Variants in ABCA13 observed in about 807,000 individuals in gnomAD.
The protein encoded by ABCA13 is ATP binding cassette subfamily A member 13.
ABCA13 carries 476 observed loss-of-function variants against 478.7 expected under a neutral mutation model. The ratio of observed to expected loss-of-function variants is 0.99; its 90% CI spans 0.92 to 1.07. The LOEUF (loss-of-function observed/expected upper bound fraction) is 1.07. Among genes scored for constraint, ABCA13 ranks in the 50% least tolerant of loss-of-function variants. The probability of loss-of-function intolerance (pLI) is 0.00; values close to 1 mark genes in which losing one functional copy is unlikely to be tolerated. For missense variants in ABCA13, 6,060 were observed against 5,910.6 expected (o/e 1.03, Z -0.83); for synonymous variants, 2,252 against 2,158.9 (o/e 1.04, Z -1.20).
intron 31 of ABCA13, 48 bp from the exon 32 acceptor site, chr7:48,367,744 TAG>T (rs1238154829): frequency 2.2e-6 from 3 of 1,379,070 alleles, no homozygotes; most frequent in Non-Finnish European, 3.0e-6. Flanking sequence ...AAAAAATTAG[TAG>T]AGTCATTTTG....
intron 4 of ABCA13, among the ~76,000 whole-genome samples, chr7:48,220,246 G>C (rs1484824617): frequency 1.3e-5 from 2 of 152,094 alleles, no homozygotes; most frequent in African/African-American, 4.8e-5. Flanking sequence ...ACATCCCTGA[G>C]TCATTGCCTA....
intron 55 of ABCA13, among the ~76,000 whole-genome samples, chr7:48,565,544 C>T (rs73694676): frequency 0.012 from 1,894 of 151,756 alleles, 34 homozygotes; most frequent in African/African-American, 0.043. Context: ...ACCTTTAAAC[C>T]GGGGGGATAA....
chr7:48,423,417 G>C (rs912666537), intron 41 of ABCA13, among the ~76,000 whole-genome samples: 1 of 152,122 alleles, frequency 6.6e-6, no homozygotes, highest in Admixed American at 6.5e-5. Flanking sequence ...AAGCAAAAAA[G>C]TACCTTGCAC....
At chr7:48,562,742 G>A (rs1585817619) in intron 55 of ABCA13, among the ~76,000 whole-genome samples, 2 of 152,076 alleles carry the variant, frequency 1.3e-5, no homozygotes, top group Admixed American at 6.5e-5. Context: ...TTTGTTACAT[G>A]TTCAAAGGTA....
At chr7:48,392,475 C>T (rs6946995) in intron 38 of ABCA13, among the ~76,000 whole-genome samples, 37,797 of 152,012 alleles carry the variant, frequency 0.25, 5,349 homozygotes, top group African/African-American at 0.39. Flanking sequence ...TCAAAGGCAG[C>T]GGGAAAACTG....
intron 42 of ABCA13, 115 bp from the exon 43 acceptor site, chr7:48,454,922 C>A: frequency 7.3e-7 from 1 of 1,364,574 alleles, no homozygotes; most frequent in Non-Finnish European, 9.6e-7. Flanking sequence ...GGTGGGCCTG[C>A]GTCGCATTCC....
chr7:48,238,336 G>A (rs1477801331), intron 8 of ABCA13, among the ~76,000 whole-genome samples: 1 of 152,104 alleles, frequency 6.6e-6, no homozygotes, highest in Non-Finnish European at 1.5e-5. Context: ...TTTAGACCAT[G>A]GCAGTCACCA....
intron 2 of ABCA13, among the ~76,000 whole-genome samples, chr7:48,196,558 G>A (rs571836965): frequency 6.6e-6 from 1 of 152,302 alleles, no homozygotes; most frequent in African/African-American, 2.4e-5. Flanking sequence ...TCAGGAGCAT[G>A]CACTCAGCAC....
At chr7:48,518,074 GTAA>G (rs889524852) in intron 52 of ABCA13, among the ~76,000 whole-genome samples, 2 of 152,260 alleles carry the variant, frequency 1.3e-5, no homozygotes, top group East Asian at 1.9e-4. Flanking sequence ...TTCAGTGATG[GTAA>G]TAATCTATTT....
intron 43 of ABCA13, among the ~76,000 whole-genome samples, chr7:48,464,323 AC>A (rs1316252896): frequency 2.6e-5 from 4 of 152,238 alleles, no homozygotes; most frequent in African/African-American, 9.6e-5. Context: ...CAGAGGTCAC[AC>A]TGCCTACTTA....
At chr7:48,643,509 C>A in intron 60 of ABCA13, 116 bp downstream of exon 60, 1 of 889,796 alleles carries the variant, frequency 1.1e-6, no homozygotes, top group Admixed American at 2.3e-5. Context: ...GTTACCTTAG[C>A]CACATTGCAA....
At chr7:48,339,828 G>A (rs1806849213) in intron 29 of ABCA13, among the ~76,000 whole-genome samples, 1 of 152,160 alleles carries the variant, frequency 6.6e-6, no homozygotes, top group Non-Finnish European at 1.5e-5. Flanking sequence ...ACAGCCCTCT[G>A]GGAGCAGGCA....
chr7:48,549,694 G>A (rs1327096042), intron 55 of ABCA13, among the ~76,000 whole-genome samples: 1 of 151,744 alleles, frequency 6.6e-6, no homozygotes, highest in Non-Finnish European at 1.5e-5. Context: ...GTATAAAAGC[G>A]ATTTTATTTC....
intron 15 of ABCA13, among the ~76,000 whole-genome samples, chr7:48,263,645 C>T (rs1794489325): frequency 2.0e-5 from 3 of 150,872 alleles, no homozygotes; most frequent in East Asian, 1.9e-4. Flanking sequence ...TCTTCCTCAC[C>T]GAAATGAGTG....
intron 59 of ABCA13, among the ~76,000 whole-genome samples, chr7:48,636,954 A>G (rs535590030): frequency 7.9e-5 from 12 of 152,124 alleles, no homozygotes; most frequent in South Asian, 6.2e-4. Context: ...GCAATTATGC[A>G]TTTTTTCTTA....
chr7:48,306,851 A>AT (rs1316909602), intron 23 of ABCA13, among the ~76,000 whole-genome samples: 1 of 152,222 alleles, frequency 6.6e-6, no homozygotes, highest in Non-Finnish European at 1.5e-5. Context: ...CTATGCGGGT[A>AT]TTTTTTAGAT....
At position 48,558,125 on chromosome 7, in the gene ABCA13, CCCTT is replaced by C. The variant is rs571602470; in HGVS notation, c.14355-22082_14355-22079del. ...TCTTTAGTATGTCAATTGTACCTTC[CCCTT>C]CCTTCCTTCCTTCCTTTCTCCATCC... On this transcript the variant is annotated intron_variant, in intron 55 of 61. Coordinates refer to ENST00000435803, the MANE Select transcript of ABCA13 (RefSeq NM_152701.5). Among the ~76,000 whole-genome samples the C allele has an allele frequency of 3.5e-3, 522 of 150,088 alleles. 4 individuals carry two copies. Among genetic ancestry groups the C allele is most frequent in the African/African-American group, 0.011 (435 of 40,568 alleles).
At chr7:48,499,823 T>G (rs1473317681) in intron 48 of ABCA13, among the ~76,000 whole-genome samples, 3 of 152,184 alleles carry the variant, frequency 2.0e-5, no homozygotes, top group Non-Finnish European at 4.4e-5. Context: ...GCCTTGGACC[T>G]TTTACCAACA....
intron 23 of ABCA13, among the ~76,000 whole-genome samples, chr7:48,303,023 A>G (rs1282041509): frequency 1.3e-5 from 2 of 152,092 alleles, no homozygotes; most frequent in African/African-American, 4.8e-5. Context: ...TTTTAGTAAT[A>G]ATCATTCTAA....
Sources: allele counts gnomAD v4.1 joint callset (sites outside exome capture counted in the v4.1 genomes callset), GRCh38; gene constraint gnomAD v4.1.1; transcripts MANE v1.5; gene names NCBI Gene and HGNC (gene_info 2026-07-23, HGNC 2026-07-21).